The following ZNF385D variants were observed in gnomAD, a reference collection of about 807,000 sequenced individuals.
ZNF385D encodes the protein zinc finger protein 385D.
A neutral mutation model predicts 35.8 loss-of-function variants in ZNF385D; 15 were observed. The ratio of observed to expected loss-of-function variants is 0.42; its 90% CI spans 0.28 to 0.64. The LOEUF (loss-of-function observed/expected upper bound fraction) is 0.64, where lower values mean the gene tolerates loss of function less well. ZNF385D is among the 30% of genes least tolerant of loss of function. The pLI, the probability that ZNF385D is intolerant of heterozygous loss-of-function variation, is 0.23. For missense variants in ZNF385D, 474 were observed against 494.6 expected (o/e 0.96, Z 0.39); for synonymous variants, 212 against 186.8 (o/e 1.13, Z -1.10).
At chr3:22,071,909 GATT>G (rs1700245303) in intron 3 of ZNF385D, among the ~76,000 whole-genome samples, 1 of 151,948 alleles carries the variant, frequency 6.6e-6, no homozygotes, top group South Asian at 2.1e-4. Context: ...GTAAATCAAA[GATT>G]ATTAATACAA....
intron 2 of ZNF385D, among the ~76,000 whole-genome samples, chr3:21,623,814 C>G (rs61632614): frequency 6.6e-6 from 1 of 151,978 alleles, no homozygotes. Context: ...GATTTTAAAT[C>G]ATTTTCCCCC....
intron 2 of ZNF385D, among the ~76,000 whole-genome samples, chr3:22,306,594 G>A (rs1703233593): frequency 6.6e-6 from 1 of 152,140 alleles, no homozygotes; most frequent in Non-Finnish European, 1.5e-5. Flanking sequence ...TGCTAAGGCT[G>A]ACCAGGAAGA....
intron 1 of ZNF385D, among the ~76,000 whole-genome samples, chr3:21,684,311 C>G (rs1242825846): frequency 7.0e-6 from 1 of 143,124 alleles, no homozygotes; most frequent in Non-Finnish European, 1.5e-5. Flanking sequence ...TAATAAATAT[C>G]TCGTATGTTT....
rs1183206319 is a variant in ZNF385D, at chr3:22,031,920, C to G, written c.325+136897G>C. Among the ~76,000 whole-genome samples the G allele has an allele frequency of 1.3e-5, 2 of 152,204 alleles. 1 individual carries two copies. Among genetic ancestry groups the G allele is most frequent in the South Asian group, 4.1e-4 (2 of 4,836 alleles). Reference sequence around the variant, plus strand: ...AATCAGCTAGGCCATATCTTGAATGCTTTGCTGCTTAGAAATTTCTTTTAC... The same window carrying G: ...AATCAGCTAGGCCATATCTTGAATGGTTTGCTGCTTAGAAATTTCTTTTAC... On this transcript the variant is annotated intron_variant, in intron 3 of 5. Transcript: ENST00000494108.
intron 2 of ZNF385D, among the ~76,000 whole-genome samples, chr3:22,343,607 G>C (rs571156515): frequency 9.9e-5 from 15 of 152,284 alleles, no homozygotes; most frequent in Middle Eastern, 3.4e-3. Flanking sequence ...TTGATCTTCT[G>C]ACATCTTCAG....
At chr3:22,305,751 A>G (rs1703172843) in intron 2 of ZNF385D, among the ~76,000 whole-genome samples, 1 of 152,182 alleles carries the variant, frequency 6.6e-6, no homozygotes, top group South Asian at 2.1e-4. Flanking sequence ...GTGCTCAGTA[A>G]AAGTAGAGAA....
intron 3 of ZNF385D, among the ~76,000 whole-genome samples, chr3:21,513,458 C>A (rs547368558): frequency 2.6e-5 from 4 of 151,938 alleles, no homozygotes; most frequent in Non-Finnish European, 4.4e-5. Context: ...ATGACAGTAC[C>A]AAAACACCTT....
At chr3:22,092,872 A>C (rs1217731255) in intron 3 of ZNF385D, among the ~76,000 whole-genome samples, 1 of 152,196 alleles carries the variant, frequency 6.6e-6, no homozygotes, top group African/African-American at 2.4e-5. Context: ...GTCTTCCAGG[A>C]ATTATTAATT....
intron 2 of ZNF385D, among the ~76,000 whole-genome samples, chr3:22,284,727 T>A (rs1265959354): frequency 6.6e-6 from 1 of 152,118 alleles, no homozygotes; most frequent in East Asian, 1.9e-4. Flanking sequence ...TTGAGATTCT[T>A]ATTCAATGAA....
chr3:21,935,938 T>C (rs1701235356), intron 3 of ZNF385D, among the ~76,000 whole-genome samples: 1 of 152,160 alleles, frequency 6.6e-6, no homozygotes, highest in African/African-American at 2.4e-5. Flanking sequence ...GGGTCTTGAA[T>C]GTTGAGTTTG....
intron 3 of ZNF385D, among the ~76,000 whole-genome samples, chr3:21,776,559 A>G (rs1318464506): frequency 6.6e-6 from 1 of 151,914 alleles, no homozygotes; most frequent in Non-Finnish European, 1.5e-5. Flanking sequence ...TAATTTTGTG[A>G]ATTTGTCTTC....
At chr3:21,969,883 G>A (rs990462402) in intron 3 of ZNF385D, among the ~76,000 whole-genome samples, 5 of 152,174 alleles carry the variant, frequency 3.3e-5, no homozygotes, top group African/African-American at 7.2e-5. Flanking sequence ...TTGTTTGGGT[G>A]ATAGTAAGGG....
At chr3:21,424,686 T>TCG (rs1700928559) in intron 6 of ZNF385D, among the ~76,000 whole-genome samples, 1 of 92,122 alleles carries the variant, frequency 1.1e-5, no homozygotes, top group Non-Finnish European at 2.0e-5. Context: ...ACTACACACA[T>TCG]CTCTTTTTTT....
intron 3 of ZNF385D, among the ~76,000 whole-genome samples, chr3:22,038,878 ATATTT>A (rs1698493595): frequency 1.3e-5 from 2 of 150,224 alleles, no homozygotes; most frequent in African/African-American, 2.4e-5. Context: ...TAATAAGGTT[ATATTT>A]TATTTTTATT....
chr3:21,859,753 T>C (rs1179846715), intron 3 of ZNF385D, among the ~76,000 whole-genome samples: 1 of 152,036 alleles, frequency 6.6e-6, no homozygotes, highest in Non-Finnish European at 1.5e-5. Flanking sequence ...TTAATCCTTA[T>C]GTTAATTATT....
rs555563497 is a variant in ZNF385D, at chr3:22,295,980, A to C, written c.106+76470T>G. On this transcript the variant is annotated intron_variant, in intron 2 of 5. Transcript: ENST00000494108. ...TATGGCAAAGGAGAAGAAAATAAATAGGAAAGTTTCATGAGAACAAATGAC... is the reference window on the plus strand; with the variant it reads ...TATGGCAAAGGAGAAGAAAATAAATCGGAAAGTTTCATGAGAACAAATGAC... 2.4e-4 allele frequency among the ~76,000 whole-genome samples: 37 copies of C among 152,284 alleles called. No homozygotes were observed. The South Asian group carries it at 5.0e-3, about 20-fold the overall frequency.
chr3:21,863,729 G>A (rs1026677171), intron 3 of ZNF385D, among the ~76,000 whole-genome samples: 50 of 152,132 alleles, frequency 3.3e-4, no homozygotes, highest in African/African-American at 1.2e-3. Flanking sequence ...GTTGAATTAT[G>A]TCAGTACGAT....
intron 2 of ZNF385D, among the ~76,000 whole-genome samples, chr3:22,228,280 C>A (rs933677709): frequency 7.2e-5 from 11 of 152,080 alleles, no homozygotes; most frequent in African/African-American, 2.4e-4. Context: ...GTGGCAGAGC[C>A]AAATATATAT....
chr3:21,731,295 A>G (rs1178894941), intron 1 of ZNF385D, among the ~76,000 whole-genome samples: 1 of 152,146 alleles, frequency 6.6e-6, no homozygotes, highest in African/African-American at 2.4e-5. Context: ...TTGGCAATGC[A>G]TATTTCTTTA....
Sources: allele counts gnomAD v4.1 joint callset (sites outside exome capture counted in the v4.1 genomes callset), GRCh38; gene constraint gnomAD v4.1.1; transcripts MANE v1.5; gene names NCBI Gene and HGNC (gene_info 2026-07-23, HGNC 2026-07-21).